Variants in PKIB observed in about 807,000 individuals in gnomAD.
The protein encoded by PKIB is PKI-beta.
PKIB carries 2 observed loss-of-function variants against 4.5 expected under a neutral mutation model. The observed-to-expected ratio is 0.44, with a 90% CI of 0.18 to 1.39. The LOEUF (loss-of-function observed/expected upper bound fraction) is 1.39. PKIB is among the 40% of genes most tolerant of loss of function. The probability of loss-of-function intolerance (pLI) is 0.27; values close to 1 mark genes in which losing one functional copy is unlikely to be tolerated. For missense variants in PKIB, 94 were observed against 92.6 expected (o/e 1.02, Z -0.06); for synonymous variants, 38 against 36.0 (o/e 1.06, Z -0.20).
At chr6:122,629,076 T>C (rs909098370) in intron 1 of PKIB, among the ~76,000 whole-genome samples, 1 of 152,114 alleles carries the variant, frequency 6.6e-6, no homozygotes, top group Non-Finnish European at 1.5e-5. Context: ...AATAATCAGC[T>C]GGGGAAATGA....
intron 2 of PKIB, among the ~76,000 whole-genome samples, chr6:122,499,721 A>G (rs188700067): frequency 2.6e-5 from 4 of 152,330 alleles, no homozygotes; most frequent in Admixed American, 2.6e-4. Context: ...GATATGAGGG[A>G]AGAGAATGAA....
At chr6:122,540,205 T>C (rs1053078746) in intron 2 of PKIB, among the ~76,000 whole-genome samples, 11 of 152,248 alleles carry the variant, frequency 7.2e-5, no homozygotes, top group East Asian at 5.8e-4. Flanking sequence ...ATTTTACTTA[T>C]TTCTTGCCTT....
intron 3 of PKIB, among the ~76,000 whole-genome samples, chr6:122,702,326 C>CTTTTTTTTTTTTTTT: frequency 1.0e-5 from 1 of 97,266 alleles, no homozygotes; most frequent in Non-Finnish European, 2.0e-5. Flanking sequence ...TTTAAAAAAA[C>CTTTTTTTTTTTTTTT]TTTTTTTTTT....
At chr6:122,669,573 T>G (rs903030411) in intron 2 of PKIB, among the ~76,000 whole-genome samples, 1 of 152,168 alleles carries the variant, frequency 6.6e-6, no homozygotes, top group African/African-American at 2.4e-5. Flanking sequence ...TTCTATTAAT[T>G]TTCACATTTT....
At chr6:122,509,045 G>T (rs759233328) in intron 2 of PKIB, among the ~76,000 whole-genome samples, 1 of 151,980 alleles carries the variant, frequency 6.6e-6, no homozygotes, top group Non-Finnish European at 1.5e-5. Context: ...CACCGCGCCC[G>T]GCCTAAAATT....
intron 3 of PKIB, among the ~76,000 whole-genome samples, chr6:122,693,064 A>G (rs1032477092): frequency 6.6e-6 from 1 of 152,222 alleles, no homozygotes; most frequent in African/African-American, 2.4e-5. Context: ...ACAAGACAAG[A>G]ACCAATGCAT....
chr6:122,662,184 G>C (rs1330302246), intron 2 of PKIB, among the ~76,000 whole-genome samples: 1 of 151,468 alleles, frequency 6.6e-6, no homozygotes, highest in Non-Finnish European at 1.5e-5. Context: ...GTGCACAAAG[G>C]CTTTTTATTT....
chr6:122,679,954 C>A (rs1437555802), intron 3 of PKIB, among the ~76,000 whole-genome samples: 2 of 152,200 alleles, frequency 1.3e-5, no homozygotes, highest in South Asian at 2.1e-4. Context: ...AGAACAGATT[C>A]TAAACCAAAC....
intron 2 of PKIB, among the ~76,000 whole-genome samples, chr6:122,528,021 A>G (rs1427220946): frequency 6.6e-6 from 1 of 152,106 alleles, no homozygotes; most frequent in Non-Finnish European, 1.5e-5. Context: ...ATTGTGTCAA[A>G]GTTTGCTTCG....
At chr6:122,564,663 T>C (rs937613712) in intron 2 of PKIB, among the ~76,000 whole-genome samples, 2 of 152,226 alleles carry the variant, frequency 1.3e-5, no homozygotes, top group African/African-American at 4.8e-5. Flanking sequence ...GGAAGGGTAG[T>C]GAGCTCCTTG....
chr6:122,674,595 G>A (rs1777597699), intron 2 of PKIB, among the ~76,000 whole-genome samples: 1 of 152,112 alleles, frequency 6.6e-6, no homozygotes, highest in African/African-American at 2.4e-5. Context: ...TCCTTATGTG[G>A]GTACTGGTAA....
chr6:122,670,280 C>G (rs1044605294), intron 2 of PKIB, among the ~76,000 whole-genome samples: 3 of 152,194 alleles, frequency 2.0e-5, no homozygotes, highest in African/African-American at 7.2e-5. Flanking sequence ...GTGTACCCAG[C>G]TAAACTTTCT....
chr6:122,677,149 T>C (rs989760006), intron 3 of PKIB, among the ~76,000 whole-genome samples: 1 of 152,200 alleles, frequency 6.6e-6, no homozygotes, highest in Non-Finnish European at 1.5e-5. Context: ...GTAACTCTTA[T>C]GAAAGTAATT....
chr6:122,656,737 T>C (rs1025344865), intron 2 of PKIB, among the ~76,000 whole-genome samples: 1 of 152,144 alleles, frequency 6.6e-6, no homozygotes, highest in African/African-American at 2.4e-5. Flanking sequence ...GATGTAGTAC[T>C]GAGGATGTCA....
At chr6:122,703,702 C>T (rs980552768) in intron 3 of PKIB, among the ~76,000 whole-genome samples, 1 of 151,532 alleles carries the variant, frequency 6.6e-6, no homozygotes, top group Non-Finnish European at 1.5e-5. Flanking sequence ...ATCTAATACA[C>T]TTATGATGCA....
chr6:122,656,920 A>G (rs2114899244), intron 2 of PKIB, among the ~76,000 whole-genome samples: 1 of 152,180 alleles, frequency 6.6e-6, no homozygotes, highest in East Asian at 1.9e-4. Context: ...AGTTCTCATT[A>G]TTATCTAATG....
At chr6:122,584,472 G>A (rs1773794872) in intron 2 of PKIB, among the ~76,000 whole-genome samples, 1 of 152,086 alleles carries the variant, frequency 6.6e-6, no homozygotes, top group Admixed American at 6.6e-5. Context: ...ATAGCAGCAA[G>A]TTAGAGGCCT....
At chr6:122,586,092 C>G (rs1044664325) in intron 3 of PKIB, 1 of 152,022 alleles carries the variant, frequency 6.6e-6, no homozygotes, top group African/African-American at 2.4e-5. Context: ...ATAAACATTC[C>G]CATAACTGAA....
chr6:122,505,705 C>CT (rs1304178008), intron 2 of PKIB, among the ~76,000 whole-genome samples: 1 of 151,898 alleles, frequency 6.6e-6, no homozygotes, highest in African/African-American at 2.4e-5. Context: ...TTTTTTATCC[C>CT]TTTTTTTAGA....
Sources: gnomAD v4.1 joint callset for allele counts (sites outside exome capture counted in the v4.1 genomes callset) on GRCh38, gnomAD v4.1.1 for gene constraint, MANE v1.5 for transcripts, NCBI Gene and HGNC (gene_info 2026-07-23, HGNC 2026-07-21) for gene names.